Variants in CACNA2D3 observed in about 807,000 individuals in gnomAD.
The protein encoded by CACNA2D3 is calcium voltage-gated channel auxiliary subunit alpha2delta 3.
A neutral mutation model predicts 160.6 loss-of-function variants in CACNA2D3; 60 were observed. That is an observed-to-expected ratio of 0.37 (90% CI 0.30 to 0.46). CACNA2D3 has a LOEUF of 0.46. Ranked by LOEUF, CACNA2D3 falls within the 20% of genes least tolerant of loss-of-function variation. The probability of loss-of-function intolerance (pLI) is 1.00; values close to 1 mark genes in which losing one functional copy is unlikely to be tolerated. For missense variants in CACNA2D3, 1,205 were observed against 1,365.0 expected (o/e 0.88, Z 1.85); for synonymous variants, 558 against 492.9 (o/e 1.13, Z -1.75).
At chr3:55,005,612 TGTCACAGAC>T (rs1314348061) in intron 32 of CACNA2D3, among the ~76,000 whole-genome samples, 4 of 152,196 alleles carry the variant, frequency 2.6e-5, no homozygotes, top group Non-Finnish European at 5.9e-5. Flanking sequence ...TCCTTGGTGA[TGTCACAGAC>T]GAGGATCAAT....
intron 2 of CACNA2D3, among the ~76,000 whole-genome samples, chr3:54,236,681 A>C (rs536670248): frequency 3.7e-4 from 57 of 152,282 alleles, no homozygotes; most frequent in African/African-American, 1.3e-3. Flanking sequence ...GACTCTCCAA[A>C]TAATGCAAAG....
At chr3:54,832,458 C>T (rs1464560022) in intron 14 of CACNA2D3, among the ~76,000 whole-genome samples, 1 of 152,164 alleles carries the variant, frequency 6.6e-6, no homozygotes, top group Non-Finnish European at 1.5e-5. Context: ...AGGGGCCAGG[C>T]AGTTTACAAG....
At chr3:54,465,930 G>T (rs1700615969) in intron 4 of CACNA2D3, among the ~76,000 whole-genome samples, 1 of 152,248 alleles carries the variant, frequency 6.6e-6, no homozygotes, top group African/African-American at 2.4e-5. Context: ...CATTGAGGCT[G>T]TTGGAAGAAT....
chr3:54,844,245 G>A (rs1314116302), intron 16 of CACNA2D3, among the ~76,000 whole-genome samples: 1 of 152,166 alleles, frequency 6.6e-6, no homozygotes, highest in Admixed American at 6.5e-5. Context: ...AGAAAAGTAG[G>A]AAGATTTGAG....
chr3:54,313,959 C>T (rs1703805157), intron 2 of CACNA2D3, among the ~76,000 whole-genome samples: 1 of 147,974 alleles, frequency 6.8e-6, no homozygotes, highest in Non-Finnish European at 1.5e-5. Context: ...TGAGTGTGTT[C>T]TTTAGTGGTG....
intron 5 of CACNA2D3, among the ~76,000 whole-genome samples, chr3:54,523,347 A>G (rs1056492729): frequency 2.0e-5 from 3 of 152,144 alleles, no homozygotes; most frequent in Non-Finnish European, 1.5e-5. Flanking sequence ...TATTAGATTA[A>G]TTGATTTCCA....
intron 11 of CACNA2D3, among the ~76,000 whole-genome samples, chr3:54,702,605 G>T (rs1050703936): frequency 6.6e-6 from 1 of 152,178 alleles, no homozygotes; most frequent in Non-Finnish European, 1.5e-5. Context: ...CAGATGTTAG[G>T]TTGCAGAGGA....
chr3:54,857,244 G>A (rs1699191974), intron 17 of CACNA2D3, among the ~76,000 whole-genome samples: 1 of 152,202 alleles, frequency 6.6e-6, no homozygotes, highest in Non-Finnish European at 1.5e-5. Context: ...AGAAGGGTAG[G>A]TGACCCAGGT....
chr3:54,130,809 C>A (rs1339055602), intron 2 of CACNA2D3, among the ~76,000 whole-genome samples: 1 of 152,222 alleles, frequency 6.6e-6, no homozygotes, highest in Non-Finnish European at 1.5e-5. Context: ...TGAGAAACAT[C>A]TGGGATATTA....
intron 2 of CACNA2D3, among the ~76,000 whole-genome samples, chr3:54,262,457 A>G (rs563351399): frequency 2.6e-5 from 4 of 152,332 alleles, no homozygotes; most frequent in Non-Finnish European, 4.4e-5. Context: ...TGCATCACAA[A>G]TATCTATAAT....
Position 54,934,347 on chromosome 3 carries a change from A to G in CACNA2D3, c.2450-34103A>G, listed in dbSNP as rs548276309. Among the ~76,000 whole-genome samples the G allele has an allele frequency of 9.8e-5, 15 of 152,304 alleles. No individual in the cohort carries two copies. In the South Asian group the frequency reaches 3.1e-3, roughly 32 times the overall value. On this transcript the variant is annotated intron_variant, in intron 27 of 37. Coordinates refer to ENST00000474759, the MANE Select transcript of CACNA2D3 (RefSeq NM_018398.3). Reference sequence around the variant, plus strand: ...TCCCTCTTGAGCCGTTCAGTGGAGAACCAAGGCTGCCATACGTTTTCTCTA... The same window carrying G: ...TCCCTCTTGAGCCGTTCAGTGGAGAGCCAAGGCTGCCATACGTTTTCTCTA...
At chr3:54,475,295 G>A (rs1051625413) in intron 4 of CACNA2D3, among the ~76,000 whole-genome samples, 1 of 152,146 alleles carries the variant, frequency 6.6e-6, no homozygotes, top group Admixed American at 6.6e-5. Context: ...TTAATCTGGG[G>A]CAGAAAATCC....
chr3:54,823,433 G>A (rs1703685332), intron 14 of CACNA2D3, among the ~76,000 whole-genome samples: 1 of 151,772 alleles, frequency 6.6e-6, no homozygotes, highest in South Asian at 2.1e-4. Context: ...ATTGATAAAA[G>A]CCTTCAATAA....
chr3:54,232,678 T>C (rs1421340298), intron 2 of CACNA2D3, among the ~76,000 whole-genome samples: 2 of 152,172 alleles, frequency 1.3e-5, no homozygotes, highest in African/African-American at 2.4e-5. Context: ...TGTGGCTCTT[T>C]GTAAGTCTTT....
chr3:54,266,242 T>C (rs1366672485), intron 2 of CACNA2D3, among the ~76,000 whole-genome samples: 1 of 152,194 alleles, frequency 6.6e-6, no homozygotes, highest in Non-Finnish European at 1.5e-5. Flanking sequence ...GAACATGAGA[T>C]CTTAGTAATG....
chr3:54,320,336 T>G, intron 2 of CACNA2D3, 106 bp from the exon 3 acceptor site: 2 of 559,804 alleles, frequency 3.6e-6, no homozygotes, highest in Non-Finnish European at 6.3e-6. Context: ...GCAGTCATGG[T>G]GTAATTTTAT....
chr3:54,949,804 T>C (rs536257940), intron 27 of CACNA2D3, among the ~76,000 whole-genome samples: 2 of 152,338 alleles, frequency 1.3e-5, no homozygotes, highest in South Asian at 4.1e-4. Context: ...TGGAAGACTT[T>C]TTTTGCCTGT....
chr3:54,718,815 C>G (rs1035137349), intron 11 of CACNA2D3, among the ~76,000 whole-genome samples: 2 of 152,010 alleles, frequency 1.3e-5, no homozygotes, highest in African/African-American at 4.8e-5. Context: ...ATTAACAGTC[C>G]ATCCCTTCAC....
intron 3 of CACNA2D3, among the ~76,000 whole-genome samples, chr3:54,352,556 C>T (rs933940705): frequency 2.0e-5 from 3 of 152,222 alleles, no homozygotes; most frequent in Non-Finnish European, 4.4e-5. Flanking sequence ...ATAACAGCAG[C>T]AGCTCCTGAG....
Sources: gnomAD v4.1 joint callset for allele counts (sites outside exome capture counted in the v4.1 genomes callset) on GRCh38, gnomAD v4.1.1 for gene constraint, MANE v1.5 for transcripts, NCBI Gene and HGNC (gene_info 2026-07-23, HGNC 2026-07-21) for gene names.